DNAL1: variants seen among roughly 807,000 people sequenced by gnomAD.
DNAL1 encodes dynein axonemal light chain 1, also known as chromosome 14 open reading frame 168.
In DNAL1, 17 loss-of-function variants were observed where a neutral mutation model predicts 29.4. The observed-to-expected ratio is 0.58, with a 90% CI of 0.40 to 0.87. DNAL1 has a LOEUF of 0.87. DNAL1 is among the 40% of genes least tolerant of loss of function. The pLI is 0.00. For missense variants in DNAL1, 188 were observed against 214.1 expected (o/e 0.88, Z 0.76); for synonymous variants, 78 against 76.3 (o/e 1.02, Z -0.12).
intron 5 of DNAL1, among the ~76,000 whole-genome samples, chr14:73,679,919 A>G (rs958682579): frequency 1.4e-4 from 21 of 151,620 alleles, no homozygotes; most frequent in Non-Finnish European, 2.2e-4. Context: ...TTTATTGAAA[A>G]GTCTCTTTTT....
intron 6 of DNAL1, among the ~76,000 whole-genome samples, chr14:73,688,539 C>T (rs1458209125): frequency 6.6e-6 from 1 of 152,130 alleles, no homozygotes; most frequent in African/African-American, 2.4e-5. Context: ...ATGAGAGTTG[C>T]TTTAACCCAG....
intron 7 of DNAL1, among the ~76,000 whole-genome samples, chr14:73,691,614 G>T (rs1892173301): frequency 6.6e-6 from 1 of 152,118 alleles, no homozygotes; most frequent in South Asian, 2.1e-4. Flanking sequence ...AAGTGTATAA[G>T]AAATATTTCA....
At position 73,691,801 on chromosome 14, in the gene DNAL1, C is replaced by T. The variant is rs188421946; in HGVS notation, c.532+2286C>T. Among the ~76,000 whole-genome samples the T allele has an allele frequency of 6.0e-3, 910 of 150,948 alleles. 15 individuals are homozygous for T. Among genetic ancestry groups the T allele is most frequent in the African/African-American group, 0.021 (858 of 41,050 alleles). On this transcript the variant is annotated intron_variant, in intron 7 of 7. Coordinates refer to ENST00000553645, the MANE Select transcript of DNAL1 (RefSeq NM_031427.4). ...CTCCGCCTCCCGGGTTCAAGCGATT[C>T]TCCTGCCTCAGCCTCCCAAGTAGCT...
intron 4 of DNAL1, among the ~76,000 whole-genome samples, chr14:73,667,461 T>C (rs1003170072): frequency 3.3e-5 from 5 of 151,890 alleles, no homozygotes; most frequent in Admixed American, 6.6e-5. Flanking sequence ...CAAAACTGAG[T>C]CTTGATATAT....
intron 5 of DNAL1, among the ~76,000 whole-genome samples, chr14:73,683,604 A>T (rs987743537): frequency 2.6e-5 from 4 of 151,298 alleles, no homozygotes; most frequent in Non-Finnish European, 5.9e-5. Flanking sequence ...ACTTATTCCC[A>T]TCCTCCCCTC....
chr14:73,657,863 G>T (rs1227645158), intron 2 of DNAL1, among the ~76,000 whole-genome samples: 1 of 152,238 alleles, frequency 6.6e-6, no homozygotes, highest in Non-Finnish European at 1.5e-5. Flanking sequence ...CCGAAGTGCT[G>T]GGATTACAGG....
chr14:73,696,214 T>C lies in DNAL1; in HGVS notation c.*272T>C, dbSNP rs1374537172. The C allele has an allele frequency of 7.7e-6, 2 of 259,948 alleles. No homozygotes were observed. Among genetic ancestry groups the C allele is most frequent in the Non-Finnish European group, 1.4e-5 (2 of 138,452 alleles). The allele number at this position is 259,948 out of a possible 1,614,324, so 16.1% of individuals were successfully genotyped here. On this transcript the variant is annotated 3_prime_UTR_variant, in exon 8 of 8. Transcript: ENST00000553645. ...CTCAGTTACGTACTGTGTAGCCCCA[T>C]CTACTAAAACAAAACCTTTGTAGAC...
chr14:73,677,884 T>TG (rs1555402397), intron 5 of DNAL1, among the ~76,000 whole-genome samples: 2 of 96,130 alleles, frequency 2.1e-5, no homozygotes, highest in Non-Finnish European at 4.4e-5. Context: ...ATATATATAT[T>TG]TGTGTGTGTG....
intron 7 of DNAL1, among the ~76,000 whole-genome samples, chr14:73,695,493 T>G (rs1351826149): frequency 6.6e-6 from 1 of 152,156 alleles, no homozygotes; most frequent in Non-Finnish European, 1.5e-5. Flanking sequence ...GAAATTATTT[T>G]TATTACGGCA....
At chr14:73,652,178 C>T (rs570908676) in intron 1 of DNAL1, among the ~76,000 whole-genome samples, 7 of 152,076 alleles carry the variant, frequency 4.6e-5, no homozygotes, top group Non-Finnish European at 8.8e-5. Context: ...CCCCAGCCCC[C>T]CAGTAGCTGT....
chr14:73,682,020 G>A (rs1215020703), intron 5 of DNAL1, among the ~76,000 whole-genome samples: 1 of 151,668 alleles, frequency 6.6e-6, no homozygotes, highest in Non-Finnish European at 1.5e-5. Context: ...GCTGAGGCAG[G>A]AGAATCACTT....
At chr14:73,658,304 C>T (rs542905825) in intron 2 of DNAL1, among the ~76,000 whole-genome samples, 3 of 152,186 alleles carry the variant, frequency 2.0e-5, no homozygotes, top group Admixed American at 6.5e-5. Context: ...GGGTTGTGTT[C>T]GCCTTATAAT....
chr14:73,663,974 TC>T (rs1442733530), intron 4 of DNAL1, among the ~76,000 whole-genome samples: 3 of 152,220 alleles, frequency 2.0e-5, no homozygotes, highest in Admixed American at 6.5e-5. Context: ...CTGCTTCTCT[TC>T]TTTGTATAAT....
rs1892445121 is a variant in DNAL1, at chr14:73,701,924, TAATA to T, written c.*5986_*5989del. ...TATTTTGTGATTTGTTTCAAAATGG[TAATA>T]AATTGTGTTATTTTGTAAAAAAAAA... On this transcript the variant is annotated 3_prime_UTR_variant, in exon 8 of 8. Coordinates refer to ENST00000553645, the MANE Select transcript of DNAL1 (RefSeq NM_031427.4). 7.0e-6 allele frequency: 1 copy of T among 142,764 alleles called. No individual in the cohort carries two copies. The highest frequency in any genetic ancestry group is 7.4e-5 in the Admixed American group (1 of 13,482). The allele number at this position is 142,764 out of a possible 1,614,324, so 8.8% of individuals were successfully genotyped here.
At chr14:73,661,093 G>A (rs959293608) in intron 3 of DNAL1, among the ~76,000 whole-genome samples, 1 of 151,992 alleles carries the variant, frequency 6.6e-6, no homozygotes, top group African/African-American at 2.4e-5. Flanking sequence ...GAACCTGGGA[G>A]GCGGAGGTCG....
intron 5 of DNAL1, among the ~76,000 whole-genome samples, chr14:73,679,204 C>T (rs1891816960): frequency 6.6e-6 from 1 of 152,080 alleles, no homozygotes; most frequent in African/African-American, 2.4e-5. Context: ...ACCATATTGG[C>T]CGTGCTGGTC....
chr14:73,695,920 G>A lies in DNAL1; in HGVS notation c.551G>A (p.Gly184Glu). ...ATTTTAGGTACTCCAGTAATTAAAG[G>A]GGATGAGGAAGAAGACAACTAATGC... is the stretch of plus-strand genomic sequence containing the variant. ...KKLDGTPVIKGDEEEDN is the reference protein window; with the variant it reads ...KKLDGTPVIKEDEEEDN Residue 184 changes from glycine (G) to glutamate (E), a missense_variant, in exon 8 of 8, where the codon GGG becomes GAG. Transcript: ENST00000553645. 1 of 1,588,812 alleles carries A rather than the reference G, an allele frequency of 6.3e-7. No individual in the cohort carries two copies. Among genetic ancestry groups the A allele is most frequent in the South Asian group, 1.1e-5 (1 of 87,082 alleles).
Position 73,699,607 on chromosome 14 carries a change from T to C in DNAL1, c.*3665T>C, listed in dbSNP as rs1892384720. On this transcript the variant is annotated 3_prime_UTR_variant, in exon 8 of 8. Coordinates refer to ENST00000553645, the MANE Select transcript of DNAL1 (RefSeq NM_031427.4). ...ACGTGAGCCACTGCGACTGGCTTAA[T>C]GCTCATTTTCATAATTTTCATGTAA... The C allele has an allele frequency of 6.6e-6, 1 of 152,144 alleles. No homozygotes were observed. Among genetic ancestry groups the C allele is most frequent in the South Asian group, 2.1e-4 (1 of 4,826 alleles). The allele number at this position is 152,144 out of a possible 1,614,324, so 9.4% of individuals were successfully genotyped here.
rs539802189 is a variant in DNAL1, at chr14:73,695,784, C to T, written c.533-118C>T. ...CCTCAGGTGATCCACCCGCCTCAGC[C>T]TCCCAAAGTGCTGGGATTACAGGCG... On this transcript the variant is annotated intron_variant, in intron 7 of 7. Transcript: ENST00000553645. 5.7e-6 allele frequency: 4 copies of T among 705,490 alleles called. No homozygotes were observed. In the South Asian group the frequency reaches 7.8e-5, roughly 14 times the overall value. The allele number at this position is 705,490 out of a possible 1,614,324, so 43.7% of individuals were successfully genotyped here.
Sources: gnomAD v4.1 joint callset for allele counts (sites outside exome capture counted in the v4.1 genomes callset) on GRCh38, gnomAD v4.1.1 for gene constraint, MANE v1.5 for transcripts, NCBI Gene and HGNC (gene_info 2026-07-23, HGNC 2026-07-21) for gene names.